TEK: variants seen among roughly 807,000 people sequenced by gnomAD.
TEK encodes angiopoietin-1 receptor.
TEK carries 43 observed loss-of-function variants against 131.8 expected under a neutral mutation model. That is an observed-to-expected ratio of 0.33 (90% CI 0.26 to 0.42). TEK has a LOEUF of 0.42. Ranked by LOEUF, TEK falls within the 10% of genes least tolerant of loss-of-function variation. TEK has a pLI of 1.00. For synonymous variants in TEK, 580 were observed against 491.6 expected (o/e 1.18, Z -2.38); for missense variants, 1,162 against 1,384.4 (o/e 0.84, Z 2.55).
chr9:27,204,882 A>G (rs781447919), intron 13 of TEK, 29 bp from the exon 14 acceptor site: 28 of 1,612,888 alleles, frequency 1.7e-5, no homozygotes, highest in Non-Finnish European at 2.3e-5. Flanking sequence ...AAACTAAACT[A>G]CCTGCTTCAC....
intron 20 of TEK, 100 bp downstream of exon 20, chr9:27,218,917 T>A: frequency 8.4e-7 from 1 of 1,185,542 alleles, no homozygotes; most frequent in Non-Finnish European, 1.3e-6. Flanking sequence ...GCCGTTTGTA[T>A]GTGGTTCTAC....
chr9:27,115,720 C>A lies in TEK; in HGVS notation c.52+6078C>A, dbSNP rs138630944. On this transcript the variant is annotated intron_variant, in intron 1 of 22. Transcript: ENST00000380036. Reference sequence around the variant, plus strand: ...TGCTCATAGCCAAATGATTTTGAAACCAAGATGAAAAGGAAAAGGGAAGAA... The same window carrying A: ...TGCTCATAGCCAAATGATTTTGAAAACAAGATGAAAAGGAAAAGGGAAGAA... Among the ~76,000 whole-genome samples the A allele has an allele frequency of 8.5e-5, 13 of 152,050 alleles. No homozygotes were observed. In the East Asian group the frequency reaches 2.5e-3, roughly 29 times the overall value.
intron 2 of TEK, among the ~76,000 whole-genome samples, chr9:27,163,203 G>A (rs1411913346): frequency 6.6e-6 from 1 of 152,154 alleles, no homozygotes; most frequent in Admixed American, 6.5e-5. Flanking sequence ...GCATTTACTA[G>A]CTAGTGAGTG....
At chr9:27,172,132 G>A (rs1437695912) in intron 4 of TEK, among the ~76,000 whole-genome samples, 1 of 152,174 alleles carries the variant, frequency 6.6e-6, no homozygotes, top group African/African-American at 2.4e-5. Flanking sequence ...AGTAGGTCGT[G>A]GTTGGGTGGG....
At chr9:27,215,167 T>G (rs866623918) in intron 18 of TEK, among the ~76,000 whole-genome samples, 33 of 152,350 alleles carry the variant, frequency 2.2e-4, no homozygotes, top group African/African-American at 7.0e-4. Context: ...ACTGGTTTGC[T>G]TGGCATTTCA....
intron 7 of TEK, among the ~76,000 whole-genome samples, chr9:27,181,698 T>C (rs1824381789): frequency 6.6e-6 from 1 of 152,244 alleles, no homozygotes; most frequent in African/African-American, 2.4e-5. Flanking sequence ...GCAGAAAACA[T>C]GGCTTGCAAA....
At chr9:27,144,427 T>C (rs1007834058) in intron 1 of TEK, among the ~76,000 whole-genome samples, 18 of 152,210 alleles carry the variant, frequency 1.2e-4, no homozygotes, top group African/African-American at 4.1e-4. Flanking sequence ...CCCATGGGGA[T>C]TACACTTAAT....
intron 21 of TEK, among the ~76,000 whole-genome samples, chr9:27,224,184 A>C (rs551728448): frequency 1.3e-5 from 2 of 152,222 alleles, no homozygotes; most frequent in Admixed American, 1.3e-4. Flanking sequence ...CCACAGGTAC[A>C]AAGAGGAGCT....
intron 1 of TEK, among the ~76,000 whole-genome samples, chr9:27,139,693 T>G (rs1822648701): frequency 6.6e-6 from 1 of 152,104 alleles, no homozygotes; most frequent in Non-Finnish European, 1.5e-5. Flanking sequence ...TAAACTTGAT[T>G]TACTGTGTTG....
intron 1 of TEK, among the ~76,000 whole-genome samples, chr9:27,120,450 G>A (rs1259024757): frequency 6.6e-6 from 1 of 152,238 alleles, no homozygotes; most frequent in Admixed American, 6.5e-5. Context: ...CGAAAACATG[G>A]CCTGAAGGCC....
In TEK at chr9:27,206,834, T is replaced by C. The variant is rs763207905; in HGVS notation, c.2575+42T>C. 3 of 1,596,862 alleles carry C rather than the reference T, an allele frequency of 1.9e-6. No individual in the cohort carries two copies. In the South Asian group the frequency reaches 3.4e-5, roughly 18 times the overall value. On this transcript the variant is annotated intron_variant, in intron 15 of 22. Coordinates refer to ENST00000380036, the MANE Select transcript of TEK (RefSeq NM_000459.5). ...ATAGAGTCAGCATTGCGTGAGGGTG[T>C]GGAGAAAACTTGATTTCCTGCTCAT...
At chr9:27,140,474 GATATA>G (rs1822685818) in intron 1 of TEK, among the ~76,000 whole-genome samples, 1 of 151,208 alleles carries the variant, frequency 6.6e-6, no homozygotes, top group Non-Finnish European at 1.5e-5. Context: ...GTGAATAAAT[GATATA>G]TGTCCACATT....
chr9:27,149,195 C>T lies in TEK; in HGVS notation c.53-8636C>T, dbSNP rs144777855. 1.8e-3 allele frequency among the ~76,000 whole-genome samples: 269 copies of T among 152,242 alleles called. 2 individuals carry two copies. The highest frequency in any genetic ancestry group is 6.4e-3 in the African/African-American group (266 of 41,546). On this transcript the variant is annotated intron_variant, in intron 1 of 22. Transcript: ENST00000380036. ...GGCATTGTGCTCATTGTTAGAGATA[C>T]AGCGATGGGCAAAATTGACTTTTAG...
At chr9:27,126,645 C>G (rs577987579) in intron 1 of TEK, among the ~76,000 whole-genome samples, 1 of 152,274 alleles carries the variant, frequency 6.6e-6, no homozygotes, top group Admixed American at 6.5e-5. Flanking sequence ...ATAGCACAGA[C>G]CAGAGAGAAA....
In TEK at chr9:27,155,351, G is replaced by A. The variant is rs191400575; in HGVS notation, c.53-2480G>A. The stretch of plus-strand genomic sequence containing the variant: ...ATCTTAAAAGTTACCAATGAGGCTA[G>A]AAGTAAAATGGATGCTTCAAGGCCA... On this transcript the variant is annotated intron_variant, in intron 1 of 22. Transcript: ENST00000380036. Among the ~76,000 whole-genome samples, 994 of 152,320 alleles carry A rather than the reference G, an allele frequency of 6.5e-3. 4 individuals carry two copies. Among genetic ancestry groups the A allele is most frequent in the Middle Eastern group, 0.017 (5 of 294 alleles).
Position 27,228,213 on chromosome 9 carries a change from C to A in TEK, c.3208C>A (p.Leu1070Ile), listed in dbSNP as rs752902883. 2 of 1,612,344 alleles carry A rather than the reference C, an allele frequency of 1.2e-6. No individual in the cohort carries two copies. Among genetic ancestry groups the A allele is most frequent in the Non-Finnish European group, 1.7e-6 (2 of 1,178,790 alleles). The change falls in exon 22 of 23, where the codon CTA becomes ATA. Residue 1070 changes from leucine (L) to isoleucine (I), a missense_variant. Physicochemically the swap from Leu to Ile is conservative, Grantham distance 5. This residue lies in a region of TEK where 84 missense variants were observed against 80.3 expected (regional missense o/e 1.05). Coordinates refer to ENST00000380036, the MANE Select transcript of TEK (RefSeq NM_000459.5). ...PLNCDDEVYD[L>I]MRQCWREKPY... Reference sequence around the variant, plus strand: ...AATTCTTTGCTTTCGAAGGTATGATCTAATGAGACAATGCTGGCGGGAGAA... The same window carrying A: ...AATTCTTTGCTTTCGAAGGTATGATATAATGAGACAATGCTGGCGGGAGAA...
chr9:27,219,956 C>A, intron 20 of TEK, 93 bp from the exon 21 acceptor site: 2 of 1,315,856 alleles, frequency 1.5e-6, no homozygotes, highest in Non-Finnish European at 2.2e-6. Flanking sequence ...CATACCATGT[C>A]TTCCTCCTGG....
intron 9 of TEK, 135 bp from the exon 10 acceptor site, chr9:27,190,394 G>A: frequency 1.0e-6 from 1 of 984,204 alleles, no homozygotes; most frequent in Non-Finnish European, 1.5e-6. Context: ...GAGAGCAGGT[G>A]ATCTCACTGA....
At chr9:27,182,330 T>C (rs781286384) in intron 7 of TEK, among the ~76,000 whole-genome samples, 57 of 152,168 alleles carry the variant, frequency 3.7e-4, no homozygotes, top group Non-Finnish European at 7.2e-4. Flanking sequence ...AAGGGGACGA[T>C]GAAGGAAAGA....
Sources: allele counts gnomAD v4.1 joint callset (sites outside exome capture counted in the v4.1 genomes callset), GRCh38; gene constraint gnomAD v4.1.1; regional missense constraint gnomAD v4.1.1; transcripts MANE v1.5; gene names NCBI Gene and HGNC (gene_info 2026-07-23, HGNC 2026-07-21).